The following PACS1 variants were observed in gnomAD, a reference collection of about 807,000 sequenced individuals.
PACS1 encodes phosphofurin acidic cluster sorting protein 1.
PACS1 carries 24 observed loss-of-function variants against 115.0 expected under a neutral mutation model. The observed-to-expected ratio is 0.21, with a 90% CI of 0.15 to 0.29. The LOEUF (loss-of-function observed/expected upper bound fraction) is 0.29. PACS1 is among the 10% of genes least tolerant of loss of function. The pLI is 1.00. For synonymous variants in PACS1, 453 were observed against 504.5 expected (o/e 0.90, Z 1.37); for missense variants, 838 against 1,251.2 (o/e 0.67, Z 4.98).
At chr11:66,102,554 AC>A (rs1565107104) in intron 1 of PACS1, among the ~76,000 whole-genome samples, 1 of 151,836 alleles carries the variant, frequency 6.6e-6, no homozygotes, top group Non-Finnish European at 1.5e-5. Flanking sequence ...GGGATTCCTG[AC>A]CTCAAGTGAT....
intron 1 of PACS1, chr11:66,100,761 C>T (rs1857898384): frequency 1.5e-5 from 7 of 456,040 alleles, no homozygotes; most frequent in Non-Finnish European, 2.6e-5. Flanking sequence ...TGTGCAGTCT[C>T]CCTCACCGTG....
chr11:66,217,027 T>A, intron 7 of PACS1: 1 of 498,484 alleles, frequency 2.0e-6, no homozygotes, highest in Non-Finnish European at 3.6e-6. Context: ...GAACCCTTCT[T>A]GTAGAATTCA....
At chr11:66,228,161 C>A (rs993781633) in intron 11 of PACS1, among the ~76,000 whole-genome samples, 1 of 147,810 alleles carries the variant, frequency 6.8e-6, no homozygotes, top group African/African-American at 2.5e-5. Flanking sequence ...ACCTCCGGCC[C>A]AGGGAGGTAC....
chr11:66,141,007 A>G (rs909581491), intron 1 of PACS1, among the ~76,000 whole-genome samples: 3 of 152,140 alleles, frequency 2.0e-5, no homozygotes, highest in African/African-American at 7.2e-5. Flanking sequence ...ATTTAACTAG[A>G]AACTTATTTA....
chr11:66,112,710 G>A (rs1858217030), intron 1 of PACS1, among the ~76,000 whole-genome samples: 1 of 152,166 alleles, frequency 6.6e-6, no homozygotes. Flanking sequence ...GGGTCGAGTT[G>A]TAGTGAACTG....
At chr11:66,231,102 T>C (rs1395888317) in intron 13 of PACS1, among the ~76,000 whole-genome samples, 162 bp downstream of exon 13, 1 of 152,270 alleles carries the variant, frequency 6.6e-6, no homozygotes, top group Non-Finnish European at 1.5e-5. Context: ...AGAGGTCTCC[T>C]ATATTCCTTG....
At chr11:66,145,752 A>G (rs902278126) in intron 1 of PACS1, among the ~76,000 whole-genome samples, 3 of 152,214 alleles carry the variant, frequency 2.0e-5, no homozygotes, top group Non-Finnish European at 4.4e-5. Context: ...CTAACCCTGC[A>G]CAGACCCATG....
intron 1 of PACS1, among the ~76,000 whole-genome samples, chr11:66,148,752 C>G (rs949445884): frequency 1.3e-5 from 2 of 152,058 alleles, no homozygotes; most frequent in Non-Finnish European, 2.9e-5. Context: ...ATGGTGAAAC[C>G]CCTTCTCTAC....
chr11:66,173,484 G>A (rs1044382181), intron 1 of PACS1, among the ~76,000 whole-genome samples: 1 of 152,088 alleles, frequency 6.6e-6, no homozygotes, highest in African/African-American at 2.4e-5. Context: ...GAGGCAAGCG[G>A]ATCACTTGAG....
intron 1 of PACS1, among the ~76,000 whole-genome samples, chr11:66,090,236 T>G: frequency 6.6e-6 from 1 of 151,272 alleles, no homozygotes. Context: ...TTTTCTTCTT[T>G]TCTTTCTCTT....
chr11:66,127,576 GCATC>G (rs1268144922), intron 1 of PACS1, among the ~76,000 whole-genome samples: 1 of 152,212 alleles, frequency 6.6e-6, no homozygotes, highest in Non-Finnish European at 1.5e-5. Flanking sequence ...AAAGACAAGT[GCATC>G]AGGGTACGTT....
intron 1 of PACS1, among the ~76,000 whole-genome samples, chr11:66,177,452 T>C (rs1859893647): frequency 6.6e-6 from 1 of 152,050 alleles, no homozygotes; most frequent in Non-Finnish European, 1.5e-5. Flanking sequence ...TGGCCTCCCA[T>C]AGTGCTGGGA....
chr11:66,219,773 GC>G lies in PACS1; in HGVS notation c.1009del (p.Leu337SerfsTer2). ...ACCTAACATCAAACAGAAGTTTGTGGCCCTCCTGAAGCGGTTTAAAGTTTCA... is the reference window on the plus strand; with the variant it reads ...ACCTAACATCAAACAGAAGTTTGTGGCCTCCTGAAGCGGTTTAAAGTTTCA... ...RQPNIKQKFV[A>X]LLKRFKVSDE... On this transcript the variant is annotated frameshift_variant, in exon 8 of 24. Transcript: ENST00000320580. LOFTEE classifies it high-confidence loss of function. The G allele has an allele frequency of 6.2e-7, 1 of 1,613,818 alleles. No homozygotes were observed.
intron 1 of PACS1, among the ~76,000 whole-genome samples, chr11:66,164,752 TA>T (rs1259854262): frequency 6.6e-6 from 1 of 151,134 alleles, no homozygotes; most frequent in Non-Finnish European, 1.5e-5. Context: ...CCTGGCCTTC[TA>T]AAATTTTTTT....
chr11:66,231,040 G>A, intron 13 of PACS1, 100 bp downstream of exon 13: 2 of 1,399,592 alleles, frequency 1.4e-6, no homozygotes, highest in Non-Finnish European at 2.0e-6. Flanking sequence ...GGAGAGAAGA[G>A]GAATACTTGG....
intron 2 of PACS1, among the ~76,000 whole-genome samples, chr11:66,199,880 G>C (rs904054266): frequency 6.6e-6 from 1 of 151,978 alleles, no homozygotes; most frequent in Admixed American, 6.6e-5. Context: ...TTAGCTGGGT[G>C]TAGTGGCGTA....
chr11:66,213,033 A>T (rs945011825), intron 4 of PACS1, among the ~76,000 whole-genome samples: 2 of 151,860 alleles, frequency 1.3e-5, no homozygotes, highest in Non-Finnish European at 2.9e-5. Context: ...TTATATTTTT[A>T]GTAGAGATGG....
chr11:66,212,849 T>C (rs1220347592), intron 4 of PACS1, among the ~76,000 whole-genome samples: 1 of 152,070 alleles, frequency 6.6e-6, no homozygotes, highest in Non-Finnish European at 1.5e-5. Flanking sequence ...TAATTGGCTT[T>C]ATTTATTTAT....
At chr11:66,107,684 TC>T (rs1858082242) in intron 1 of PACS1, among the ~76,000 whole-genome samples, 1 of 152,142 alleles carries the variant, frequency 6.6e-6, no homozygotes, top group Admixed American at 6.6e-5. Context: ...GATGCTCTGT[TC>T]CCCCTTTAAT....
Sources: allele counts gnomAD v4.1 joint callset (sites outside exome capture counted in the v4.1 genomes callset), GRCh38; gene constraint gnomAD v4.1.1; transcripts MANE v1.5; gene names NCBI Gene and HGNC (gene_info 2026-07-23, HGNC 2026-07-21).